Variants in GAD1 observed in about 807,000 individuals in gnomAD.
GAD1 encodes the protein glutamate decarboxylase 1.
A neutral mutation model predicts 75.2 loss-of-function variants in GAD1; 35 were observed. The ratio of observed to expected loss-of-function variants is 0.47; its 90% confidence interval spans 0.36 to 0.62. The LOEUF (loss-of-function observed/expected upper bound fraction) is 0.62. Ranked by LOEUF, GAD1 falls within the 20% of genes least tolerant of loss-of-function variation. GAD1 has a pLI of 0.00. For missense variants in GAD1, 490 were observed against 758.5 expected, an observed-to-expected ratio of 0.65 and a Z score of 4.16; for synonymous variants, 257 against 271.9, an observed-to-expected ratio of 0.95 and a Z score of 0.54.
intron 6 of GAD1, among the ~76,000 whole-genome samples, chr2:170,843,619 CTTTTTTT>C (rs56763249): frequency 4.5e-5 from 6 of 134,144 alleles, no homozygotes; most frequent in South Asian, 2.3e-4. Context: ...TGGCAGTCAG[CTTTTTTT>C]TTTTTTTTTT....
In GAD1 at chr2:170,818,582, G is replaced by A. The variant is rs780598534; in HGVS notation, c.-10G>A. On this transcript the variant is annotated 5_prime_UTR_variant, in exon 2 of 17. Transcript: ENST00000358196. This position sits in a 1 kb window ranked among gnomAD's most constrained non-coding sequence, Gnocchi z 5.9. ...CTCTGGACAGTAGAGGCCCCGGGAC[G>A]ACCGAGCTGATGGCGTCTTCGACCC... is the stretch of plus-strand genomic sequence containing the variant. 2 of 1,613,870 alleles carry A rather than the reference G, an allele frequency of 1.2e-6. No individual in the cohort carries two copies. The highest frequency in any genetic ancestry group is 2.2e-5 in the East Asian group (1 of 44,886).
upstream of GAD1, among the ~76,000 whole-genome samples, chr2:170,815,051 G>C (rs1268854695): frequency 1.3e-5 from 2 of 152,198 alleles, no homozygotes; most frequent in African/African-American, 4.8e-5. Flanking sequence ...CGTGCGTCTT[G>C]AATGATTTAG....
rs1701791253 is a variant in GAD1, at chr2:170,818,976, C to A, written c.82+303C>A. 6.6e-6 allele frequency among the ~76,000 whole-genome samples: 1 copy of A among 152,082 alleles called. No homozygotes were observed. Among genetic ancestry groups the A allele is most frequent in the Admixed American group, 6.5e-5 (1 of 15,272 alleles). ...GTTTTTATTCTGTTGTGTGTGGTTTCTTTGCTCCGTGGGACGACAGGGGTC... is the reference window on the plus strand; with the variant it reads ...GTTTTTATTCTGTTGTGTGTGGTTTATTTGCTCCGTGGGACGACAGGGGTC... On this transcript the variant is annotated intron_variant, in intron 2 of 16. Transcript: ENST00000358196. This position sits in a 1 kb window ranked among gnomAD's most constrained non-coding sequence, Gnocchi z 5.9.
chr2:170,833,242 T>C (rs750191662), intron 5 of GAD1, among the ~76,000 whole-genome samples: 1 of 152,212 alleles, frequency 6.6e-6, no homozygotes, highest in African/African-American at 2.4e-5. Context: ...AATGAAATAA[T>C]GATGCTGGCC....
chr2:170,831,179 T>C lies in GAD1; in HGVS notation c.534T>C (p.Tyr178=), dbSNP rs980850367. The C allele has an allele frequency of 6.8e-6, 11 of 1,614,022 alleles. No homozygotes were observed. The highest frequency in any genetic ancestry group is 1.6e-4 in the Middle Eastern group (1 of 6,084). ...TTGACTGCAGAGACACCTTGAAGTA[T>C]GGGGTTCGCACAGGTAAGGAGGAGA... is the stretch of plus-strand genomic sequence containing the variant. ...ILVDCRDTLK[Y]GVRTGHPRFF... Residue 178 remains tyrosine, a synonymous_variant, in exon 5 of 17, where the codon TAT becomes TAC. Coordinates refer to ENST00000358196, the MANE Select transcript of GAD1 (RefSeq NM_000817.3).
In GAD1 at chr2:170,818,725, G is replaced by A; in HGVS notation, c.82+52G>A. 1.3e-6 allele frequency: 2 copies of A among 1,558,812 alleles called. No homozygotes were observed. Among genetic ancestry groups the A allele is most frequent in the Middle Eastern group, 1.7e-4 (1 of 5,932 alleles). ...AATGAACTGCAGGGAAGATGGGGGCGCTGGGACGTCGGGAGGCTGAGCTGG... is the reference window on the plus strand; with the variant it reads ...AATGAACTGCAGGGAAGATGGGGGCACTGGGACGTCGGGAGGCTGAGCTGG... On this transcript the variant is annotated intron_variant, in intron 2 of 16. Coordinates refer to ENST00000358196, the MANE Select transcript of GAD1 (RefSeq NM_000817.3). This position sits in a 1 kb window ranked among gnomAD's most constrained non-coding sequence, Gnocchi z 5.9.
Position 170,831,042 on chromosome 2 carries a change from G to T in GAD1, c.397G>T (p.Asp133Tyr). 6.2e-7 allele frequency: 1 copy of T among 1,614,152 alleles called. No individual in the cohort carries two copies. The highest frequency in any genetic ancestry group is 8.5e-7 in the Non-Finnish European group (1 of 1,180,040). ...CCTCAACTATGTCCGCAAGACATTT[G>T]ATCGCTCCACCAAGGTGCTGGACTT... ...ILLNYVRKTF[D>Y]RSTKVLDFHH... The change falls in exon 5 of 17, where the codon GAT becomes TAT. Residue 133 changes from aspartate (D) to tyrosine (Y), a missense_variant. Physicochemically the swap from Asp to Tyr is radical, Grantham distance 160. This residue lies in a region of GAD1 where 165 missense variants were observed against 216.4 expected (regional missense o/e 0.76). Coordinates refer to ENST00000358196, the MANE Select transcript of GAD1 (RefSeq NM_000817.3).
In GAD1 at chr2:170,853,630, A is replaced by G. The variant is rs1702792535; in HGVS notation, c.1264-243A>G. The G allele has an allele frequency of 2.0e-6, 1 of 492,206 alleles. No individual in the cohort carries two copies. The highest frequency in any genetic ancestry group is 1.9e-5 in the African/African-American group (1 of 51,548). The allele number at this position is 492,206 out of a possible 1,614,324, so 30.5% of individuals were successfully genotyped here. On this transcript the variant is annotated intron_variant, in intron 13 of 16. Coordinates refer to ENST00000358196, the MANE Select transcript of GAD1 (RefSeq NM_000817.3). The surrounding 1 kb of genome is among the most constrained non-coding windows in gnomAD (Gnocchi z 4.1). ...CAGACACCCATACACATTTCCCCTT[A>G]GAGGGATGGCATCTGAGACGGAAAG...
At chr2:170,821,947 T>C in intron 2 of GAD1, 140 bp from the exon 3 acceptor site, 2 of 756,352 alleles carry the variant, frequency 2.6e-6, no homozygotes, top group South Asian at 3.0e-5. Context: ...ATTTGGCTCC[T>C]AGCTCCTTTC....
At chr2:170,842,551 T>C (rs780711822) in intron 6 of GAD1, 1 of 1,612,406 alleles carries the variant, frequency 6.2e-7, no homozygotes, top group Non-Finnish European at 8.5e-7. Context: ...AATCCTTCTC[T>C]TCTTCTTCCT....
upstream of GAD1, among the ~76,000 whole-genome samples, chr2:170,814,003 C>T (rs1701655070): frequency 1.3e-5 from 2 of 152,216 alleles, no homozygotes; most frequent in Non-Finnish European, 2.9e-5. Flanking sequence ...ACACCACTCC[C>T]TTCCGGGCCA....
At chr2:170,815,221 G>A (rs45460494), upstream of GAD1, among the ~76,000 whole-genome samples, 36 of 152,270 alleles carry the variant, frequency 2.4e-4, no homozygotes, top group African/African-American at 8.4e-4. Flanking sequence ...CGTTTCCTAC[G>A]TGGAGCAGAC....
chr2:170,844,454 G>A (rs1040635915), intron 7 of GAD1, among the ~76,000 whole-genome samples: 4 of 145,670 alleles, frequency 2.7e-5, no homozygotes, highest in Non-Finnish European at 6.0e-5. Flanking sequence ...TGTCATCCAG[G>A]CTAGAGTGCA....
At chr2:170,819,008 G>A (rs1297082902) in intron 2 of GAD1, among the ~76,000 whole-genome samples, 3 of 152,152 alleles carry the variant, frequency 2.0e-5, no homozygotes, top group Non-Finnish European at 2.9e-5. Flanking sequence ...GGTCAGCGCA[G>A]GGGGCGGAAT....
Position 170,859,962 on chromosome 2 carries a change from A to G in GAD1, c.*80A>G, listed in dbSNP as rs1702927553. On this transcript the variant is annotated 3_prime_UTR_variant, in exon 17 of 17. Coordinates refer to ENST00000358196, the MANE Select transcript of GAD1 (RefSeq NM_000817.3). ...GAACAAACCTCTATATGTTGCTGAA[A>G]CACACAGGCCATTTCATTGAGGGAA... The G allele has an allele frequency of 1.6e-6, 2 of 1,263,918 alleles. No homozygotes were observed. Among genetic ancestry groups the G allele is most frequent in the African/African-American group, 2.9e-5 (2 of 68,310 alleles). The allele number at this position is 1,263,918 out of a possible 1,614,324, so 78.3% of individuals were successfully genotyped here.
chr2:170,858,330 TA>T (rs973376890), intron 15 of GAD1, among the ~76,000 whole-genome samples: 2 of 152,186 alleles, frequency 1.3e-5, no homozygotes, highest in African/African-American at 4.8e-5. Flanking sequence ...TGGTTTTTTT[TA>T]GGAGCAACCC....
chr2:170,815,519 G>T (rs76946460), upstream of GAD1, among the ~76,000 whole-genome samples: 172 of 152,260 alleles, frequency 1.1e-3, no homozygotes, highest in Admixed American at 8.8e-3. Flanking sequence ...TGTTTCCATT[G>T]TGTTGTGGTG....
At chr2:170,844,770 T>G (rs1381054999) in intron 7 of GAD1, among the ~76,000 whole-genome samples, 1 of 152,212 alleles carries the variant, frequency 6.6e-6, no homozygotes, top group Non-Finnish European at 1.5e-5. Context: ...GAATAGGTAT[T>G]CTGATGGTGT....
chr2:170,847,909 TC>T, intron 11 of GAD1, 117 bp downstream of exon 11: 1 of 777,114 alleles, frequency 1.3e-6, no homozygotes, highest in Admixed American at 1.7e-5. Context: ...CCACATTAGT[TC>T]CAGTTCTTGT....
Sources: allele counts gnomAD v4.1 joint callset (sites outside exome capture counted in the v4.1 genomes callset), GRCh38; gene constraint gnomAD v4.1.1; regional missense constraint gnomAD v4.1.1; non-coding constraint Gnocchi (gnomAD v3.1); transcripts MANE v1.5; gene names NCBI Gene and HGNC (gene_info 2026-07-23, HGNC 2026-07-21).